COG5: variants seen among roughly 807,000 people sequenced by gnomAD.
COG5 encodes component of oligomeric golgi complex 5.
Under a neutral mutation model 110.4 loss-of-function variants are expected in COG5, and 86 were observed. The ratio of observed to expected loss-of-function variants is 0.78; its 90% CI spans 0.65 to 0.93. The LOEUF is 0.93. Ranked by LOEUF, COG5 falls within the 40% of genes least tolerant of loss-of-function variation. The pLI, the probability that COG5 is intolerant of heterozygous loss-of-function variation, is 0.00. For synonymous variants in COG5, 360 were observed against 334.6 expected (o/e 1.08, Z -0.83); for missense variants, 1,077 against 987.0 (o/e 1.09, Z -1.22).
At chr7:107,523,837 A>G (rs1800524429) in intron 6 of COG5, among the ~76,000 whole-genome samples, 1 of 152,126 alleles carries the variant, frequency 6.6e-6, no homozygotes, top group South Asian at 2.1e-4. Context: ...AAAAAAAAGA[A>G]TGTAAACATT....
chr7:107,314,436 C>A lies in COG5; in HGVS notation c.1108+10004G>T, dbSNP rs1033945687. Among the ~76,000 whole-genome samples the A allele has an allele frequency of 3.3e-5, 5 of 152,118 alleles. No homozygotes were observed. The East Asian group carries it at 9.7e-4, about 29-fold the overall frequency. On this transcript the variant is annotated intron_variant, in intron 11 of 21. Coordinates refer to ENST00000297135, the MANE Select transcript of COG5 (RefSeq NM_006348.5). ...AATGAGTATTATAGCTTAATAAATA[C>A]TTTTTTAAAAGATTAATGGAAGTCT...
At chr7:107,334,076 G>T (rs1013209219) in intron 10 of COG5, among the ~76,000 whole-genome samples, 1 of 152,068 alleles carries the variant, frequency 6.6e-6, no homozygotes. Flanking sequence ...ATATCCAAAG[G>T]AAAGGAAATC....
intron 10 of COG5, among the ~76,000 whole-genome samples, chr7:107,358,118 T>C (rs1159744971): frequency 6.6e-6 from 1 of 152,232 alleles, no homozygotes; most frequent in Admixed American, 6.5e-5. Flanking sequence ...ATAGCAGTAT[T>C]ATTTACTTTT....
chr7:107,526,685 T>C (rs1161263094), intron 6 of COG5, among the ~76,000 whole-genome samples: 1 of 152,202 alleles, frequency 6.6e-6, no homozygotes, highest in African/African-American at 2.4e-5. Flanking sequence ...AGGCTACTCA[T>C]ACAATGGTAT....
intron 7 of COG5, among the ~76,000 whole-genome samples, chr7:107,378,185 C>T (rs1437123051): frequency 1.3e-5 from 2 of 152,014 alleles, no homozygotes; most frequent in Admixed American, 6.6e-5. Flanking sequence ...GGGGTCTGAC[C>T]GTCAGAAGGA....
intron 6 of COG5, chr7:107,471,281 G>A (rs1324293690): frequency 6.6e-6 from 1 of 151,858 alleles, no homozygotes; most frequent in Non-Finnish European, 1.5e-5. Context: ...AACAAATACT[G>A]GATAGTTTTT....
intron 6 of COG5, among the ~76,000 whole-genome samples, chr7:107,456,767 C>G (rs1295363408): frequency 6.6e-6 from 1 of 152,150 alleles, no homozygotes; most frequent in Non-Finnish European, 1.5e-5. Context: ...CAAAACTGAT[C>G]AACTCTCAAA....
chr7:107,218,088 T>C (rs1799651274), intron 19 of COG5, among the ~76,000 whole-genome samples: 1 of 151,992 alleles, frequency 6.6e-6, no homozygotes, highest in African/African-American at 2.4e-5. Context: ...TACCTACATA[T>C]AATAGCTACA....
chr7:107,550,965 A>G (rs555952475), intron 3 of COG5, among the ~76,000 whole-genome samples: 1 of 152,254 alleles, frequency 6.6e-6, no homozygotes, highest in South Asian at 2.1e-4. Context: ...ATCATTCACA[A>G]GTGCCTAGTA....
chr7:107,416,803 G>T (rs547984829), intron 6 of COG5, among the ~76,000 whole-genome samples: 3 of 152,160 alleles, frequency 2.0e-5, no homozygotes, highest in African/African-American at 7.2e-5. Flanking sequence ...TATAGGAAAA[G>T]CAGAATATAT....
intron 6 of COG5, among the ~76,000 whole-genome samples, chr7:107,470,961 TAATA>T (rs893347526): frequency 2.0e-5 from 3 of 151,970 alleles, no homozygotes; most frequent in Admixed American, 2.0e-4. Context: ...AACCATGTGC[TAATA>T]ATTAGGCAAG....
chr7:107,419,363 T>A (rs1292964581), intron 6 of COG5, among the ~76,000 whole-genome samples: 3 of 151,954 alleles, frequency 2.0e-5, no homozygotes, highest in Non-Finnish European at 4.4e-5. Context: ...TTAAACAAAA[T>A]TAATGAATAC....
At chr7:107,293,318 A>T (rs948185508) in intron 12 of COG5, among the ~76,000 whole-genome samples, 7 of 152,092 alleles carry the variant, frequency 4.6e-5, no homozygotes, top group Admixed American at 6.5e-5. Flanking sequence ...TGCTGAGGTC[A>T]TTATTAGAAA....
chr7:107,205,795 G>A (rs779618126), intron 21 of COG5, among the ~76,000 whole-genome samples: 3 of 151,928 alleles, frequency 2.0e-5, no homozygotes, highest in Non-Finnish European at 2.9e-5. Flanking sequence ...AGTCACACAG[G>A]TTTGTGAAAC....
Position 107,412,649 on chromosome 7 carries a change from C to T in COG5, c.539-17G>A, listed in dbSNP as rs150929025. The T allele has an allele frequency of 2.2e-3, 3,068 of 1,379,918 alleles. 61 individuals are homozygous for T. In the African/African-American group the frequency reaches 0.04, roughly 18 times the overall value. 85.5% of individuals were successfully genotyped at this position (1,379,918 alleles called of 1,614,324 possible). Reference sequence around the variant, plus strand: ...AAAGATAATCTGTTTAAAACAAAAACATACACATTCAAATATTTCAATACT... The same window carrying T: ...AAAGATAATCTGTTTAAAACAAAAATATACACATTCAAATATTTCAATACT... On this transcript the variant is annotated splice_polypyrimidine_tract_variant and intron_variant, in intron 6 of 21. Coordinates refer to ENST00000297135, the MANE Select transcript of COG5 (RefSeq NM_006348.5).
chr7:107,525,715 A>G (rs1344560947), intron 6 of COG5, among the ~76,000 whole-genome samples: 1 of 152,024 alleles, frequency 6.6e-6, no homozygotes, highest in African/African-American at 2.4e-5. Flanking sequence ...ATGATGCTCA[A>G]CTTTTATTTT....
At chr7:107,453,375 A>T (rs1038864317) in intron 6 of COG5, among the ~76,000 whole-genome samples, 10 of 152,310 alleles carry the variant, frequency 6.6e-5, no homozygotes, top group Admixed American at 5.9e-4. Context: ...GAATATATAG[A>T]TAACTAACAA....
chr7:107,409,745 C>G (rs191717131), intron 7 of COG5, among the ~76,000 whole-genome samples: 2 of 152,260 alleles, frequency 1.3e-5, no homozygotes, highest in East Asian at 1.9e-4. Flanking sequence ...GGTTAGAGAT[C>G]TGATGGAGTT....
At chr7:107,403,303 G>A (rs901906083) in intron 7 of COG5, among the ~76,000 whole-genome samples, 1 of 151,910 alleles carries the variant, frequency 6.6e-6, no homozygotes, top group Non-Finnish European at 1.5e-5. Flanking sequence ...TTGCAGTTCT[G>A]GAGACTGGGA....
Sources: allele counts gnomAD v4.1 joint callset (sites outside exome capture counted in the v4.1 genomes callset), GRCh38; gene constraint gnomAD v4.1.1; transcripts MANE v1.5; gene names NCBI Gene and HGNC (gene_info 2026-07-23, HGNC 2026-07-21).